SH3RF1: variants seen among roughly 807,000 people sequenced by gnomAD.
The protein encoded by SH3RF1 is SH3 domain containing ring finger 1, also known as E3 ubiquitin-protein ligase SH3RF1.
A neutral mutation model predicts 74.0 loss-of-function variants in SH3RF1; 32 were observed. That is an observed-to-expected ratio of 0.43 (90% CI 0.33 to 0.58). The LOEUF is 0.58. Among genes scored for constraint, SH3RF1 ranks in the 20% least tolerant of loss-of-function variants. SH3RF1 has a pLI of 0.05. For synonymous variants in SH3RF1, 396 were observed against 439.6 expected (o/e 0.90, Z 1.24); for missense variants, 954 against 1,130.9 (o/e 0.84, Z 2.24).
At chr4:169,110,770 T>C (rs1733229966) in intron 10 of SH3RF1, among the ~76,000 whole-genome samples, 1 of 152,128 alleles carries the variant, frequency 6.6e-6, no homozygotes, top group Non-Finnish European at 1.5e-5. Flanking sequence ...TGCTGGCTTT[T>C]AGGAATGGAT....
chr4:169,214,860 G>C (rs1730437309), intron 2 of SH3RF1, among the ~76,000 whole-genome samples: 1 of 152,044 alleles, frequency 6.6e-6, no homozygotes, highest in Non-Finnish European at 1.5e-5. Flanking sequence ...CAGGAGTTTT[G>C]TTGTCAATTC....
At chr4:169,265,505 C>G (rs1214756026) in intron 2 of SH3RF1, among the ~76,000 whole-genome samples, 1 of 145,076 alleles carries the variant, frequency 6.9e-6, no homozygotes, top group Non-Finnish European at 1.6e-5. Flanking sequence ...TGGAGTTTCG[C>G]TCTTTTTGGC....
At chr4:169,152,296 A>G (rs2126962868) in intron 4 of SH3RF1, among the ~76,000 whole-genome samples, 1 of 152,326 alleles carries the variant, frequency 6.6e-6, no homozygotes, top group African/African-American at 2.4e-5. Flanking sequence ...TTATCTTAAG[A>G]GCTCAACAAG....
chr4:169,253,999 C>T (rs2110749484), intron 2 of SH3RF1, among the ~76,000 whole-genome samples: 1 of 152,312 alleles, frequency 6.6e-6, no homozygotes, highest in Middle Eastern at 3.4e-3. Flanking sequence ...AAGGGCCATT[C>T]TCAAGAGAAT....
chr4:169,218,348 T>G, intron 2 of SH3RF1, among the ~76,000 whole-genome samples: 1 of 141,560 alleles, frequency 7.1e-6, no homozygotes, highest in South Asian at 2.1e-4. Flanking sequence ...ATATAGAATA[T>G]AAATATATAT....
intron 2 of SH3RF1, 43 bp from the exon 3 acceptor site, chr4:169,156,722 C>T (rs1343016982): frequency 1.3e-6 from 2 of 1,503,564 alleles, no homozygotes; most frequent in Admixed American, 2.1e-5. Flanking sequence ...AAATAATGGT[C>T]TTAAAATGTC....
chr4:169,208,702 T>A (rs1327944311), intron 2 of SH3RF1, among the ~76,000 whole-genome samples: 1 of 152,128 alleles, frequency 6.6e-6, no homozygotes, highest in African/African-American at 2.4e-5. Flanking sequence ...AGGCTTGGCA[T>A]CAAACATCTA....
At chr4:169,269,329 G>A in intron 1 of SH3RF1, 22 bp from the exon 2 acceptor site, 5 of 1,128,344 alleles carry the variant, frequency 4.4e-6, no homozygotes, top group Non-Finnish European at 6.1e-6. Context: ...GGGAAAAGGG[G>A]GAAAAGAGAA....
chr4:169,240,592 A>G (rs371199524), intron 2 of SH3RF1, among the ~76,000 whole-genome samples: 26 of 152,316 alleles, frequency 1.7e-4, no homozygotes, highest in African/African-American at 4.8e-4. Flanking sequence ...TTCTTCTTTA[A>G]CAAATAAATA....
intron 2 of SH3RF1, among the ~76,000 whole-genome samples, chr4:169,233,248 C>CAAA (rs372381759): frequency 3.8e-4 from 25 of 65,582 alleles, no homozygotes; most frequent in East Asian, 5.1e-4. Flanking sequence ...GACTCCATCT[C>CAAA]AAAAAAAAAA....
intron 11 of SH3RF1, among the ~76,000 whole-genome samples, chr4:169,102,915 CTTTTTTTTTTT>C (rs66574732): frequency 3.7e-4 from 25 of 66,886 alleles, no homozygotes; most frequent in African/African-American, 1.5e-3. Context: ...CAGTCACATT[CTTTTTTTTTTT>C]TTTTTTTTTT....
At chr4:169,235,649 C>T (rs1337548333) in intron 2 of SH3RF1, among the ~76,000 whole-genome samples, 1 of 152,148 alleles carries the variant, frequency 6.6e-6, no homozygotes, top group Non-Finnish European at 1.5e-5. Context: ...ATCATTACAT[C>T]AGCAATGAGC....
In SH3RF1 at chr4:169,268,868, G is replaced by C. The variant is rs1289838314; in HGVS notation, c.345C>G (p.Ser115=). The C allele has an allele frequency of 6.2e-7, 1 of 1,611,746 alleles. No homozygotes were observed. Among genetic ancestry groups the C allele is most frequent in the East Asian group, 2.2e-5 (1 of 44,892 alleles). ...GCACCCGAGGCTGCTGTCCGCCCTG[G>C]GAGCTCTGCAGATCTTTTGAGCTAC... ...ANCSSKDLQS[S]QGGQQPRVQS... Residue 115 remains serine, a synonymous_variant, in exon 2 of 12, where the codon TCC becomes TCG. Coordinates refer to ENST00000284637, the MANE Select transcript of SH3RF1 (RefSeq NM_020870.4).
chr4:169,242,577 C>G (rs1372752174), intron 2 of SH3RF1, among the ~76,000 whole-genome samples: 1 of 152,182 alleles, frequency 6.6e-6, no homozygotes, highest in Non-Finnish European at 1.5e-5. Flanking sequence ...GGCCCAGATA[C>G]TATCATTTGA....
intron 2 of SH3RF1, among the ~76,000 whole-genome samples, chr4:169,184,264 T>A (rs1734567622): frequency 6.6e-6 from 1 of 152,230 alleles, no homozygotes; most frequent in African/African-American, 2.4e-5. Context: ...CTTTGGCCAA[T>A]GTGCTTTTTC....
chr4:169,155,731 A>G (rs533145677), intron 3 of SH3RF1, among the ~76,000 whole-genome samples, 156 bp from the exon 4 acceptor site: 2 of 152,352 alleles, frequency 1.3e-5, no homozygotes, highest in East Asian at 3.9e-4. Flanking sequence ...AAATGTTTTC[A>G]TGAATTAAAC....
chr4:169,251,676 T>C (rs929876357), intron 2 of SH3RF1, among the ~76,000 whole-genome samples: 3 of 152,176 alleles, frequency 2.0e-5, no homozygotes, highest in Admixed American at 6.5e-5. Flanking sequence ...CTCCCTTTTA[T>C]GAAAGGAGGA....
At chr4:169,204,059 C>CT (rs1376947396) in intron 2 of SH3RF1, 2 of 152,186 alleles carry the variant, frequency 1.3e-5, no homozygotes, top group African/African-American at 4.8e-5. Context: ...CCCTCTAACT[C>CT]TAACTCATTT....
chr4:169,148,536 G>A (rs779100374), intron 4 of SH3RF1, among the ~76,000 whole-genome samples: 4 of 152,042 alleles, frequency 2.6e-5, no homozygotes, highest in East Asian at 1.9e-4. Context: ...CTTTCCAAAC[G>A]TTCTGGAACA....
Sources: allele counts gnomAD v4.1 joint callset (sites outside exome capture counted in the v4.1 genomes callset), GRCh38; gene constraint gnomAD v4.1.1; transcripts MANE v1.5; gene names NCBI Gene and HGNC (gene_info 2026-07-23, HGNC 2026-07-21).